The following SCFD2 variants were observed in gnomAD, a reference collection of about 807,000 sequenced individuals.
SCFD2 encodes the protein sec1 family domain containing 2.
SCFD2 carries 54 observed loss-of-function variants against 58.9 expected under a neutral mutation model. The observed-to-expected ratio is 0.92, with a 90% CI of 0.74 to 1.15. The LOEUF (loss-of-function observed/expected upper bound fraction) is 1.15. Among genes scored for constraint, SCFD2 ranks in the 50% most tolerant of loss-of-function variants. SCFD2 has a pLI of 0.00. For missense variants in SCFD2, 805 were observed against 836.6 expected (o/e 0.96, Z 0.47); for synonymous variants, 321 against 335.9 (o/e 0.96, Z 0.49).
chr4:53,365,846 G>T lies in SCFD2; in HGVS notation c.96C>A (p.Cys32Ter). 6.2e-7 allele frequency: 1 copy of T among 1,613,230 alleles called. No homozygotes were observed. The highest frequency in any genetic ancestry group is 8.5e-7 in the Non-Finnish European group (1 of 1,179,930). ...CGCAGCCCCAGTGCAGGCTCTCGGC[G>T]CAGGCGGCGTCCAGGTAAACCACAG... ...KRAVVYLDAACAESLHWGCGS... is the reference protein window; with the variant it reads ...KRAVVYLDAA Residue 32 changes from cysteine (C) to a stop codon, truncating the protein, a stop_gained, in exon 1 of 9, where the codon TGC (cysteine) becomes TGA (stop). Transcript: ENST00000401642. LOFTEE classifies it high-confidence loss of function. This position sits in a 1 kb window ranked among gnomAD's most constrained non-coding sequence, Gnocchi z 4.3.
chr4:53,202,118 G>A (rs1728262478), intron 4 of SCFD2, among the ~76,000 whole-genome samples: 1 of 151,972 alleles, frequency 6.6e-6, no homozygotes, highest in African/African-American at 2.4e-5. Flanking sequence ...TGTCCTGAAT[G>A]GTATTGCCTA....
intron 5 of SCFD2, among the ~76,000 whole-genome samples, chr4:52,928,189 T>C (rs1719905886): frequency 6.6e-6 from 1 of 151,884 alleles, no homozygotes; most frequent in Non-Finnish European, 1.5e-5. Context: ...TTTAAAAAAA[T>C]AGCCAGTGTG....
chr4:52,906,525 G>A (rs769613364), intron 7 of SCFD2, among the ~76,000 whole-genome samples: 1 of 152,280 alleles, frequency 6.6e-6, no homozygotes, highest in African/African-American at 2.4e-5. Flanking sequence ...AAAAAATATA[G>A]AAGGAAAATG....
At chr4:52,934,327 C>T (rs908555090) in intron 5 of SCFD2, among the ~76,000 whole-genome samples, 2 of 152,190 alleles carry the variant, frequency 1.3e-5, no homozygotes, top group African/African-American at 4.8e-5. Flanking sequence ...TCACTGTGAG[C>T]TCATAAAAAG....
At chr4:53,171,959 ATTTATTTATTTATTTATTTTTATTTTTAT>A (rs1727191263) in intron 4 of SCFD2, among the ~76,000 whole-genome samples, 1 of 125,310 alleles carries the variant, frequency 8.0e-6, no homozygotes, top group East Asian at 2.7e-4. Flanking sequence ...TGATTTGATT[ATTTATTTATTTATTTATTTTTATTTTTAT>A]TTTATTTATT....
At chr4:53,038,083 G>GT (rs1263020418) in intron 5 of SCFD2, among the ~76,000 whole-genome samples, 7 of 152,166 alleles carry the variant, frequency 4.6e-5, no homozygotes, top group African/African-American at 1.7e-4. Flanking sequence ...ATGTTAGGCT[G>GT]TAAGTGTAAT....
chr4:53,235,931 G>T (rs1258751159), intron 4 of SCFD2, among the ~76,000 whole-genome samples: 2 of 152,182 alleles, frequency 1.3e-5, no homozygotes, highest in Admixed American at 6.5e-5. Context: ...GGCAATCTAT[G>T]GACTGAGGAG....
intron 4 of SCFD2, among the ~76,000 whole-genome samples, chr4:53,200,685 T>A (rs1390824772): frequency 1.3e-5 from 2 of 152,012 alleles, no homozygotes; most frequent in Non-Finnish European, 2.9e-5. Flanking sequence ...AGAAAAAAAA[T>A]GTGTTCAAAT....
chr4:52,917,177 G>A (rs1467402403), intron 6 of SCFD2, among the ~76,000 whole-genome samples: 1 of 152,174 alleles, frequency 6.6e-6, no homozygotes, highest in Non-Finnish European at 1.5e-5. Flanking sequence ...CAGTAGCTGG[G>A]ATTACAGGTG....
At chr4:53,228,259 T>C (rs1729291921) in intron 4 of SCFD2, among the ~76,000 whole-genome samples, 1 of 152,120 alleles carries the variant, frequency 6.6e-6, no homozygotes, top group Non-Finnish European at 1.5e-5. Flanking sequence ...TTCAGGATGA[T>C]TTTACAAAGA....
intron 5 of SCFD2, among the ~76,000 whole-genome samples, chr4:53,106,632 C>T (rs1423901302): frequency 6.6e-6 from 1 of 152,008 alleles, no homozygotes; most frequent in African/African-American, 2.4e-5. Flanking sequence ...TGAAGATCAA[C>T]TTAATGAAAT....
chr4:53,320,657 C>A (rs1732997160), intron 2 of SCFD2, among the ~76,000 whole-genome samples: 1 of 152,108 alleles, frequency 6.6e-6, no homozygotes, highest in African/African-American at 2.4e-5. Context: ...TTCCATTATG[C>A]CATGGTCCTC....
At chr4:52,966,156 C>T (rs867795945) in intron 5 of SCFD2, among the ~76,000 whole-genome samples, 9 of 152,220 alleles carry the variant, frequency 5.9e-5, no homozygotes, top group East Asian at 1.9e-4. Flanking sequence ...GCCCATGCCT[C>T]ATGCCCTGCA....
chr4:52,965,773 T>C (rs995169539), intron 5 of SCFD2, among the ~76,000 whole-genome samples: 8 of 152,230 alleles, frequency 5.3e-5, no homozygotes, highest in African/African-American at 1.9e-4. Context: ...ACAGTTGTTA[T>C]AGAAGGAGCC....
chr4:53,324,835 TG>T (rs1247308586), intron 2 of SCFD2, among the ~76,000 whole-genome samples: 1 of 152,210 alleles, frequency 6.6e-6, no homozygotes, highest in African/African-American at 2.4e-5. Flanking sequence ...CCTGACTAGT[TG>T]TTTGCTATTT....
chr4:52,943,250 C>A (rs1361918243), intron 5 of SCFD2, among the ~76,000 whole-genome samples: 1 of 151,962 alleles, frequency 6.6e-6, no homozygotes, highest in Non-Finnish European at 1.5e-5. Flanking sequence ...CAAAACAAAA[C>A]AAAACAAAAC....
At chr4:52,976,143 T>C (rs1414298022) in intron 5 of SCFD2, among the ~76,000 whole-genome samples, 1 of 152,100 alleles carries the variant, frequency 6.6e-6, no homozygotes, top group Non-Finnish European at 1.5e-5. Flanking sequence ...CTGCATGTTG[T>C]GTACATGTAC....
At chr4:53,095,853 A>C (rs1359530943) in intron 5 of SCFD2, among the ~76,000 whole-genome samples, 1 of 142,638 alleles carries the variant, frequency 7.0e-6, no homozygotes, top group East Asian at 2.1e-4. Context: ...TATATATCCT[A>C]ATGCTATCCC....
At chr4:53,328,167 A>G (rs545287764) in intron 2 of SCFD2, among the ~76,000 whole-genome samples, 1 of 151,560 alleles carries the variant, frequency 6.6e-6, no homozygotes, top group African/African-American at 2.4e-5. Flanking sequence ...AAGAATGATC[A>G]ATGTAAATAC....
Sources: allele counts gnomAD v4.1 joint callset (sites outside exome capture counted in the v4.1 genomes callset), GRCh38; gene constraint gnomAD v4.1.1; non-coding constraint Gnocchi (gnomAD v3.1); transcripts MANE v1.5; gene names NCBI Gene and HGNC (gene_info 2026-07-23, HGNC 2026-07-21).